RALYL: variants seen among roughly 807,000 people sequenced by gnomAD.
The protein encoded by RALYL is RNA-binding Raly-like protein.
Under a neutral mutation model 35.1 loss-of-function variants are expected in RALYL, and 29 were observed. That is an observed-to-expected ratio of 0.83 (90% CI 0.61 to 1.13). The LOEUF is 1.13. RALYL is among the 50% of genes most tolerant of loss of function. The probability of loss-of-function intolerance (pLI) is 0.00; values close to 1 mark genes in which losing one functional copy is unlikely to be tolerated. For synonymous variants in RALYL, 120 were observed against 127.6 expected (o/e 0.94, Z 0.40); for missense variants, 359 against 360.4 (o/e 1.00, Z 0.03).
intron 1 of RALYL, among the ~76,000 whole-genome samples, chr8:84,518,619 G>T (rs2058235869): frequency 6.6e-6 from 1 of 152,152 alleles, no homozygotes; most frequent in Non-Finnish European, 1.5e-5. Context: ...CAAGTTGGTA[G>T]GAAGAAATTC....
In RALYL at chr8:84,529,488, G is replaced by A; in HGVS notation, c.167G>A (p.Gly56Asp). 1 of 1,613,788 alleles carries A rather than the reference G, an allele frequency of 6.2e-7. No homozygotes were observed. Among genetic ancestry groups the A allele is most frequent in the Non-Finnish European group, 8.5e-7 (1 of 1,179,842 alleles). The part of the protein sequence containing the change: ...GKIVGCSVHK[G>D]YAFVQYMSER... ...ATAGTTGGATGTTCCGTTCACAAAGGTTATGCATTTGTACAGTACATGAGT... is the reference window on the plus strand; with the variant it reads ...ATAGTTGGATGTTCCGTTCACAAAGATTATGCATTTGTACAGTACATGAGT... Residue 56 changes from glycine to aspartate, a missense_variant, in exon 2 of 9, where the codon GGT (glycine) becomes GAT (aspartate). Gly to Asp is a moderately conservative substitution (Grantham distance 94). Coordinates refer to ENST00000521268, the MANE Select transcript of RALYL (RefSeq NM_173848.7).
intron 1 of RALYL, among the ~76,000 whole-genome samples, chr8:84,340,692 AT>A (rs778032955): frequency 6.6e-6 from 1 of 152,104 alleles, no homozygotes; most frequent in Non-Finnish European, 1.5e-5. Context: ...TTGCTTGTAT[AT>A]AATACATTTT....
intron 1 of RALYL, among the ~76,000 whole-genome samples, chr8:84,415,778 T>C (rs1490387784): frequency 6.6e-6 from 1 of 152,228 alleles, no homozygotes; most frequent in Admixed American, 6.5e-5. Context: ...TGTATAACTG[T>C]ATATGTGTAT....
chr8:84,451,363 A>T (rs1048658424), intron 1 of RALYL, among the ~76,000 whole-genome samples: 1 of 152,016 alleles, frequency 6.6e-6, no homozygotes, highest in Non-Finnish European at 1.5e-5. Context: ...ACGGAAACTG[A>T]TATAGTATGC....
intron 2 of RALYL, among the ~76,000 whole-genome samples, chr8:84,754,810 T>C (rs1362918585): frequency 6.6e-6 from 1 of 152,180 alleles, no homozygotes; most frequent in African/African-American, 2.4e-5. Context: ...GGGAGGTAGA[T>C]GGCAATAAGA....
Position 84,479,010 on chromosome 8 carries a change from T to G in RALYL, c.-23-50289T>G, listed in dbSNP as rs573781672. Among the ~76,000 whole-genome samples the G allele has an allele frequency of 1.0e-3, 135 of 129,004 alleles. 2 individuals carry two copies. The highest frequency in any genetic ancestry group is 1.7e-3 in the Non-Finnish European group (110 of 63,508). 84.6% of individuals were successfully genotyped at this position (129,004 alleles called of 152,430 possible). ...CTGAGGCAGGAGAATGGCGTGAACC[T>G]GGGAGGCGGAGCTTGCAGTGAACCG... On this transcript the variant is annotated intron_variant, in intron 1 of 8. Transcript: ENST00000521268.
chr8:84,211,223 G>A (rs1346562162), intron 1 of RALYL, among the ~76,000 whole-genome samples: 1 of 152,034 alleles, frequency 6.6e-6, no homozygotes, highest in African/African-American at 2.4e-5. Flanking sequence ...CCTCTTTCTT[G>A]CATACCTTTC....
At chr8:84,296,492 C>A (rs917839593) in intron 1 of RALYL, among the ~76,000 whole-genome samples, 1 of 151,932 alleles carries the variant, frequency 6.6e-6, no homozygotes, top group African/African-American at 2.4e-5. Flanking sequence ...TTTGAAAATG[C>A]CCCAGGCTCC....
chr8:84,265,734 G>A (rs73304840), intron 1 of RALYL, among the ~76,000 whole-genome samples: 1,921 of 151,878 alleles, frequency 0.013, 56 homozygotes, highest in African/African-American at 0.043. Flanking sequence ...CCCCATCACA[G>A]TGATGGTTCA....
chr8:84,679,296 C>T, intron 2 of RALYL: 1 of 233,830 alleles, frequency 4.3e-6, no homozygotes, highest in Non-Finnish European at 8.7e-6. Context: ...GGAGTAAAAA[C>T]CTGATGTCAT....
chr8:84,440,477 A>C (rs2048214639), intron 1 of RALYL, among the ~76,000 whole-genome samples: 1 of 152,098 alleles, frequency 6.6e-6, no homozygotes, highest in Admixed American at 6.6e-5. Context: ...ATGCAGGTAC[A>C]TAGAAATCAC....
In RALYL at chr8:84,744,219, A is replaced by G. The variant is rs569020785; in HGVS notation, c.257-30360A>G. Among the ~76,000 whole-genome samples, 13 of 152,108 alleles carry G rather than the reference A, an allele frequency of 8.5e-5. 1 individual carries two copies. The South Asian group carries it at 2.5e-3, about 29-fold the overall frequency. ...ACAGGAAGCAAACATTTGCTTAGCCACTGCTCACTCTGTAATGTCCATAAT... is the reference window on the plus strand; with the variant it reads ...ACAGGAAGCAAACATTTGCTTAGCCGCTGCTCACTCTGTAATGTCCATAAT... On this transcript the variant is annotated intron_variant, in intron 2 of 8. Coordinates refer to ENST00000521268, the MANE Select transcript of RALYL (RefSeq NM_173848.7).
chr8:84,577,184 G>A (rs1161964762), intron 2 of RALYL, among the ~76,000 whole-genome samples: 1 of 152,224 alleles, frequency 6.6e-6, no homozygotes, highest in Non-Finnish European at 1.5e-5. Flanking sequence ...GCACTTCCTT[G>A]AGGGAAGGAA....
rs1292275539 is a variant in RALYL, at chr8:84,498,257, C to T, written c.-23-31042C>T. On this transcript the variant is annotated intron_variant, in intron 1 of 8. Transcript: ENST00000521268. Reference sequence around the variant, plus strand: ...TTTGCGGTCCAAATGAATATGCTCTCTTCAGCTTGCGAGTTGTAGACTATC... The same window carrying T: ...TTTGCGGTCCAAATGAATATGCTCTTTTCAGCTTGCGAGTTGTAGACTATC... 2.0e-5 allele frequency among the ~76,000 whole-genome samples: 3 copies of T among 152,010 alleles called. No individual in the cohort carries two copies. The East Asian group carries it at 5.9e-4, about 30-fold the overall frequency.
At chr8:84,712,374 T>C (rs1171032392) in intron 2 of RALYL, among the ~76,000 whole-genome samples, 2 of 152,160 alleles carry the variant, frequency 1.3e-5, no homozygotes, top group African/African-American at 4.8e-5. Flanking sequence ...TTGGTCTGCC[T>C]CATATCCTTA....
chr8:84,848,209 G>A (rs749594088), intron 4 of RALYL, among the ~76,000 whole-genome samples: 6 of 152,020 alleles, frequency 3.9e-5, no homozygotes, highest in Non-Finnish European at 5.9e-5. Flanking sequence ...AGTGCTCATA[G>A]AAACACTATT....
intron 1 of RALYL, among the ~76,000 whole-genome samples, chr8:84,501,857 A>G (rs941907238): frequency 6.7e-6 from 1 of 150,352 alleles, no homozygotes; most frequent in Non-Finnish European, 1.5e-5. Flanking sequence ...AAGCCTATAT[A>G]TAATATCATA....
chr8:84,287,554 G>A (rs1275316346), intron 1 of RALYL, among the ~76,000 whole-genome samples: 5 of 152,072 alleles, frequency 3.3e-5, no homozygotes, highest in Admixed American at 6.5e-5. Flanking sequence ...AATCGAAAGA[G>A]GAGAGTGTAG....
intron 1 of RALYL, among the ~76,000 whole-genome samples, chr8:84,418,846 A>C (rs2045068330): frequency 1.3e-5 from 2 of 152,020 alleles, no homozygotes; most frequent in African/African-American, 2.4e-5. Context: ...TGTTCTCCTT[A>C]ACTTGCTTAG....
Sources: gnomAD v4.1 joint callset for allele counts (sites outside exome capture counted in the v4.1 genomes callset) on GRCh38, gnomAD v4.1.1 for gene constraint, MANE v1.5 for transcripts, NCBI Gene and HGNC (gene_info 2026-07-23, HGNC 2026-07-21) for gene names.